Variants in DIP2C observed in about 807,000 individuals in gnomAD.
DIP2C encodes disco-interacting protein 2 homolog C.
A neutral mutation model predicts 192.4 loss-of-function variants in DIP2C; 33 were observed. That is an observed-to-expected ratio of 0.17 (90% confidence interval 0.13 to 0.23). The LOEUF (loss-of-function observed/expected upper bound fraction) is 0.23. Among genes scored for constraint, DIP2C ranks in the 10% least tolerant of loss-of-function variants. The pLI is 1.00. For missense variants in DIP2C, 1,537 were observed against 2,110.1 expected (o/e 0.73, Z 5.32); for synonymous variants, 979 against 864.1 (o/e 1.13, Z -2.33).
chr10:630,124 T>C (rs1316152320), intron 1 of DIP2C: 1 of 152,176 alleles, frequency 6.6e-6, no homozygotes, highest in Non-Finnish European at 1.5e-5. Context: ...AAATCAAAGG[T>C]AAGGACTCTG....
intron 9 of DIP2C, among the ~76,000 whole-genome samples, chr10:400,950 C>G (rs141577341): frequency 2.0e-5 from 2 of 100,736 alleles, no homozygotes; most frequent in Non-Finnish European, 4.2e-5. Context: ...ACACGTGTGG[C>G]AGCATTAGCA....
chr10:345,250 T>C (rs1958381931), intron 26 of DIP2C, 140 bp from the exon 27 acceptor site: 1 of 857,280 alleles, frequency 1.2e-6, no homozygotes, highest in African/African-American at 1.7e-5. Context: ...GCCCTCCTGC[T>C]GGCTAAGGTA....
intron 1 of DIP2C, among the ~76,000 whole-genome samples, chr10:525,068 T>A (rs1846972842): frequency 6.6e-6 from 1 of 151,914 alleles, no homozygotes; most frequent in Non-Finnish European, 1.5e-5. Flanking sequence ...ATCTCATGTA[T>A]TTGTAGTTTG....
At chr10:562,008 T>C (rs1395853626) in intron 1 of DIP2C, among the ~76,000 whole-genome samples, 1 of 152,220 alleles carries the variant, frequency 6.6e-6, no homozygotes, top group Non-Finnish European at 1.5e-5. Context: ...CAGACTATAG[T>C]GATTCTAAAA....
chr10:483,792 A>G (rs1048985935), intron 2 of DIP2C, among the ~76,000 whole-genome samples: 3 of 152,016 alleles, frequency 2.0e-5, no homozygotes, highest in South Asian at 2.1e-4. Flanking sequence ...CTGTAATAAT[A>G]AAGTTTGCCT....
Position 540,177 on chromosome 10 carries a change from C to T in DIP2C, c.86-53647G>A, listed in dbSNP as rs368483056. Among the ~76,000 whole-genome samples, 60 of 152,350 alleles carry T rather than the reference C, an allele frequency of 3.9e-4. 1 individual carries two copies. Among genetic ancestry groups the T allele is most frequent in the African/African-American group, 1.2e-3 (49 of 41,586 alleles). On this transcript the variant is annotated intron_variant, in intron 1 of 36. Transcript: ENST00000280886. ...GGTAGAGTGTTATAAAAATGATGTGCGTGTTTTAAAGTCAACAATGTTCAA... is the reference window on the plus strand; with the variant it reads ...GGTAGAGTGTTATAAAAATGATGTGTGTGTTTTAAAGTCAACAATGTTCAA...
intron 1 of DIP2C, among the ~76,000 whole-genome samples, chr10:653,810 CTT>C (rs1380359957): frequency 6.6e-6 from 1 of 152,224 alleles, no homozygotes; most frequent in African/African-American, 2.4e-5. Flanking sequence ...CTAAATTGCT[CTT>C]TGACATTAAT....
rs560223497 is a variant in DIP2C, at chr10:496,649, CCA to C, written c.86-10121_86-10120del. Among the ~76,000 whole-genome samples the C allele has an allele frequency of 1.3e-3, 205 of 151,880 alleles. 1 individual carries two copies. Among genetic ancestry groups the C allele is most frequent in the African/African-American group, 4.6e-3 (189 of 41,404 alleles). ...AACATGAGTGCTGAGTGCACAGAAC[CCA>C]CAGTGACCTCCCGTGTACTTAAAAT... On this transcript the variant is annotated intron_variant, in intron 1 of 36. Coordinates refer to ENST00000280886, the MANE Select transcript of DIP2C (RefSeq NM_014974.3).
At chr10:629,186 T>C (rs550385670) in intron 1 of DIP2C, among the ~76,000 whole-genome samples, 2 of 152,226 alleles carry the variant, frequency 1.3e-5, no homozygotes, top group Admixed American at 1.3e-4. Context: ...AGACACACGG[T>C]TGGCCCTGCA....
At chr10:326,390 G>C (rs1027969096) in intron 31 of DIP2C, among the ~76,000 whole-genome samples, 4 of 152,086 alleles carry the variant, frequency 2.6e-5, no homozygotes, top group Admixed American at 2.0e-4. Context: ...AGTAGGATAG[G>C]GGGTGGGGAG....
chr10:321,278 G>A (rs1956996780), intron 31 of DIP2C, among the ~76,000 whole-genome samples: 1 of 152,250 alleles, frequency 6.6e-6, no homozygotes, highest in Non-Finnish European at 1.5e-5. Flanking sequence ...CTGCTCAGGA[G>A]CACCGGTGAG....
intron 2 of DIP2C, among the ~76,000 whole-genome samples, 158 bp downstream of exon 2, chr10:486,301 G>C (rs529860563): frequency 1.3e-5 from 2 of 152,174 alleles, no homozygotes; most frequent in Admixed American, 6.5e-5. Flanking sequence ...CACACAGCAC[G>C]TGTGATCACT....
At chr10:383,949 C>A (rs1406903706) in intron 16 of DIP2C, 78 bp downstream of exon 16, 2 of 1,403,314 alleles carry the variant, frequency 1.4e-6, no homozygotes, top group Middle Eastern at 2.5e-4. Context: ...GACTTCACAG[C>A]CTGCCTGCCT....
At chr10:430,902 T>A (rs1027873700) in intron 4 of DIP2C, among the ~76,000 whole-genome samples, 1 of 152,234 alleles carries the variant, frequency 6.6e-6, no homozygotes, top group African/African-American at 2.4e-5. Context: ...AGATGTAAGG[T>A]CTGTGACTAG....
intron 10 of DIP2C, among the ~76,000 whole-genome samples, chr10:396,670 T>C (rs1964007763): frequency 6.6e-6 from 1 of 152,046 alleles, no homozygotes; most frequent in African/African-American, 2.4e-5. Flanking sequence ...GGGTTAACTA[T>C]AGTACTGAGG....
chr10:320,310 C>G (rs573085399), intron 31 of DIP2C, among the ~76,000 whole-genome samples: 2 of 152,006 alleles, frequency 1.3e-5, no homozygotes, highest in South Asian at 4.2e-4. Context: ...GAGTTTGAGA[C>G]CAGCCTGGCC....
chr10:615,533 G>A, intron 1 of DIP2C, among the ~76,000 whole-genome samples: 1 of 151,968 alleles, frequency 6.6e-6, no homozygotes, highest in Non-Finnish European at 1.5e-5. Flanking sequence ...CAACTCTCAG[G>A]GTTAGGGTCA....
chr10:502,117 G>A (rs1222909366), intron 1 of DIP2C, among the ~76,000 whole-genome samples: 1 of 152,156 alleles, frequency 6.6e-6, no homozygotes, highest in African/African-American at 2.4e-5. Flanking sequence ...CTATACTCCA[G>A]CATGGGTGAT....
intron 1 of DIP2C, among the ~76,000 whole-genome samples, chr10:548,208 A>ACCCCCCCC (rs33930610): frequency 1.9e-4 from 11 of 58,258 alleles, no homozygotes; most frequent in African/African-American, 5.7e-4. Flanking sequence ...AGTCTGCCCC[A>ACCCCCCCC]CCCCCCCCCC....
Sources: allele counts gnomAD v4.1 joint callset (sites outside exome capture counted in the v4.1 genomes callset), GRCh38; gene constraint gnomAD v4.1.1; transcripts MANE v1.5; gene names NCBI Gene and HGNC (gene_info 2026-07-23, HGNC 2026-07-21).